The following DSC1 variants were observed in gnomAD, a reference collection of about 807,000 sequenced individuals.
DSC1 encodes desmocollin-1.
In DSC1, 79 loss-of-function variants were observed where a neutral mutation model predicts 98.8. The observed-to-expected ratio is 0.80, with a 90% CI of 0.67 to 0.96. DSC1 has a LOEUF of 0.96. DSC1 is among the 50% of genes least tolerant of loss of function. DSC1 has a pLI of 0.00. For missense variants in DSC1, 1,115 were observed against 1,075.9 expected (o/e 1.04, Z -0.51); for synonymous variants, 405 against 372.1 (o/e 1.09, Z -1.02).
chr18:31,154,947 G>A lies in DSC1; in HGVS notation c.472-18C>T. 4 of 1,609,656 alleles carry A rather than the reference G, an allele frequency of 2.5e-6. No homozygotes were observed. Among genetic ancestry groups the A allele is most frequent in the Non-Finnish European group, 3.4e-6 (4 of 1,178,818 alleles). On this transcript the variant is annotated intron_variant, in intron 4 of 15. Transcript: ENST00000257198. Reference sequence around the variant, plus strand: ...GATTGGATCTGCAGTAATAATTTAGGAATAGAACAAATACGTCATGATGAA... The same window carrying A: ...GATTGGATCTGCAGTAATAATTTAGAAATAGAACAAATACGTCATGATGAA...
At chr18:31,145,315 T>C (rs1988823933) in intron 7 of DSC1, among the ~76,000 whole-genome samples, 1 of 152,172 alleles carries the variant, frequency 6.6e-6, no homozygotes, top group Admixed American at 6.5e-5. Context: ...TTTAAAAAGT[T>C]AAGCATATTG....
At chr18:31,158,908 T>C (rs1025335536) in intron 2 of DSC1, among the ~76,000 whole-genome samples, 2 of 152,108 alleles carry the variant, frequency 1.3e-5, no homozygotes, top group Non-Finnish European at 2.9e-5. Context: ...TAATTGAGCC[T>C]TCTGATGTTT....
chr18:31,140,933 C>G (rs1988721931), intron 9 of DSC1, among the ~76,000 whole-genome samples: 1 of 152,152 alleles, frequency 6.6e-6, no homozygotes, highest in Non-Finnish European at 1.5e-5. Flanking sequence ...CTTTCCTGTG[C>G]TATTCTCGTG....
At chr18:31,144,901 A>G (rs1318265500) in intron 7 of DSC1, among the ~76,000 whole-genome samples, 1 of 150,240 alleles carries the variant, frequency 6.7e-6, no homozygotes, top group Non-Finnish European at 1.5e-5. Flanking sequence ...TGGGAGGGAT[A>G]GGGAGTATAT....
chr18:31,133,897 A>G lies in DSC1; in HGVS notation c.2110T>C (p.Leu704=). The change falls in exon 13 of 16, where the codon TTA becomes CTA. Residue 704 remains leucine, a synonymous_variant. Transcript: ENST00000257198. ...ILAMVLGSVL[L]LCILFTCFCV... Reference sequence around the variant, plus strand: ...TGATACTTAATATACTTACATAATAACAATACAGAACCCAACACCATAGCA... The same window carrying G: ...TGATACTTAATATACTTACATAATAGCAATACAGAACCCAACACCATAGCA... 1 of 1,611,164 alleles carries G rather than the reference A, an allele frequency of 6.2e-7. No individual in the cohort carries two copies. The highest frequency in any genetic ancestry group is 8.5e-7 in the Non-Finnish European group (1 of 1,178,460).
Position 31,132,595 on chromosome 18 carries a change from A to G in DSC1, c.2211T>C (p.Asn737=), listed in dbSNP as rs770585173. The G allele has an allele frequency of 6.2e-6, 10 of 1,613,562 alleles. No individual in the cohort carries two copies. In the East Asian group the frequency reaches 1.8e-4, roughly 29 times the overall value. ...TTACTTCTTCTCCAGGTCCTTCAGT[A>G]TTTGATACAATTAAATTTTGCTGGG... ...DIAQQNLIVS[N]TEGPGEEVTE... The change falls in exon 14 of 16, where the codon AAT becomes AAC. Residue 737 remains asparagine, a synonymous_variant. Transcript: ENST00000257198.
intron 11 of DSC1, among the ~76,000 whole-genome samples, chr18:31,135,056 A>G (rs1444167117): frequency 6.6e-6 from 1 of 152,194 alleles, no homozygotes; most frequent in Admixed American, 6.5e-5. Context: ...GACCTGTTGA[A>G]AATAAAACAG....
chr18:31,148,444 C>A, intron 6 of DSC1, 54 bp downstream of exon 6: 1 of 1,498,406 alleles, frequency 6.7e-7, no homozygotes, highest in Non-Finnish European at 9.0e-7. Context: ...AATTATAATA[C>A]TTACGAAATG....
At chr18:31,152,028 G>C (rs1442617585) in intron 5 of DSC1, among the ~76,000 whole-genome samples, 1 of 152,082 alleles carries the variant, frequency 6.6e-6, no homozygotes, top group Non-Finnish European at 1.5e-5. Context: ...TGGGCGTGGT[G>C]GTGGGCGCCT....
rs1266960396 is a variant in DSC1, at chr18:31,134,802, T to C, written c.1664-18A>G. 5 of 1,593,296 alleles carry C rather than the reference T, an allele frequency of 3.1e-6. No homozygotes were observed. Among genetic ancestry groups the C allele is most frequent in the African/African-American group, 1.3e-5 (1 of 74,508 alleles). ...TCGGCCAACTAAGATTAATTAAAAA[T>C]AGGTTATTTCTTCACATGAAAATGC... is the stretch of plus-strand genomic sequence containing the variant. On this transcript the variant is annotated intron_variant, in intron 11 of 15. Coordinates refer to ENST00000257198, the MANE Select transcript of DSC1 (RefSeq NM_024421.2).
intron 5 of DSC1, among the ~76,000 whole-genome samples, chr18:31,153,044 G>A (rs147234689): frequency 6.9e-4 from 105 of 151,588 alleles, no homozygotes; most frequent in Admixed American, 3.0e-3. Context: ...TAACTTTGAG[G>A]ATAAATTTCA....
At chr18:31,160,407 C>T (rs1989187365) in intron 1 of DSC1, among the ~76,000 whole-genome samples, 1 of 152,136 alleles carries the variant, frequency 6.6e-6, no homozygotes, top group Admixed American at 6.5e-5. Flanking sequence ...GATCAGCTTT[C>T]AGCTTTTCTC....
At chr18:31,150,268 CACCACT>C (rs1988948215) in intron 5 of DSC1, among the ~76,000 whole-genome samples, 2 of 86,434 alleles carry the variant, frequency 2.3e-5, no homozygotes, top group African/African-American at 4.1e-5. Flanking sequence ...CCATCATCAT[CACCACT>C]ACCATCACCA....
In DSC1 at chr18:31,157,362, G is replaced by A; in HGVS notation, c.351+9C>T. The A allele has an allele frequency of 6.2e-7, 1 of 1,613,856 alleles. No homozygotes were observed. Among genetic ancestry groups the A allele is most frequent in the Non-Finnish European group, 8.5e-7 (1 of 1,179,816 alleles). ...ACTGTGCTAGGCTGCTTAAGCCCTT[G>A]CCTTATACCTTGTTTTCTCTTGCTG... On this transcript the variant is annotated intron_variant, in intron 3 of 15. Transcript: ENST00000257198.
In DSC1 at chr18:31,143,647, G is replaced by C. The variant is rs781202447; in HGVS notation, c.1074+10C>G. On this transcript the variant is annotated intron_variant, in intron 8 of 15. Transcript: ENST00000257198. ...TAAATCTAGATGAATGAATAGAGAG[G>C]TATACTCACAGAAGTTTCTGTGAAA... 24 of 1,564,284 alleles carry C rather than the reference G, an allele frequency of 1.5e-5. No homozygotes were observed. In the South Asian group the frequency reaches 2.9e-4, roughly 19 times the overall value.
chr18:31,129,596 G>A lies in DSC1; in HGVS notation c.*918C>T, dbSNP rs7240259. The A allele has an allele frequency of 2.6e-5, 4 of 152,158 alleles. No homozygotes were observed. Among genetic ancestry groups the A allele is most frequent in the Admixed American group, 2.6e-4 (4 of 15,268 alleles). The allele number at this position is 152,158 out of a possible 1,614,324, so 9.4% of individuals were successfully genotyped here. On this transcript the variant is annotated 3_prime_UTR_variant, in exon 16 of 16. Transcript: ENST00000257198. ...GCAGCCTAATGCATCAGGGCTAGTT[G>A]TCCAAATGCTTGGAGATGGCAGGTG... is the stretch of plus-strand genomic sequence containing the variant.
chr18:31,133,915 C>A lies in DSC1; in HGVS notation c.2092G>T (p.Val698Leu), dbSNP rs1183731880. The change falls in exon 13 of 16, where the codon GTG becomes TTG. Residue 698 changes from valine to leucine, a missense_variant. By Grantham distance (32) the Val-to-Leu change is conservative. Transcript: ENST00000257198. ...ILGRWAILAM[V>L]LGSVLLLCIL... The stretch of plus-strand genomic sequence containing the variant: ...CATAATAACAATACAGAACCCAACA[C>A]CATAGCAAGAATAGCCCATCTTCCA... The A allele has an allele frequency of 2.5e-6, 4 of 1,613,030 alleles. No homozygotes were observed. In the Admixed American group the frequency reaches 6.7e-5, roughly 27 times the overall value.
chr18:31,132,532 ACCG>A, intron 14 of DSC1, 33 bp downstream of exon 14: 1 of 1,608,560 alleles, frequency 6.2e-7, no homozygotes, highest in Non-Finnish European at 8.5e-7. Flanking sequence ...TCATTTGTTC[ACCG>A]TACAATTCAA....
At chr18:31,138,511 C>A (rs1294173537) in intron 11 of DSC1, among the ~76,000 whole-genome samples, 2 of 151,690 alleles carry the variant, frequency 1.3e-5, no homozygotes, top group Non-Finnish European at 2.9e-5. Flanking sequence ...ACTTAATAGA[C>A]AAACCACCAG....
Sources: gnomAD v4.1 joint callset for allele counts (sites outside exome capture counted in the v4.1 genomes callset) on GRCh38, gnomAD v4.1.1 for gene constraint, MANE v1.5 for transcripts, NCBI Gene and HGNC (gene_info 2026-07-23, HGNC 2026-07-21) for gene names.